Variants in KALRN observed in about 807,000 individuals in gnomAD.
KALRN encodes kalirin.
KALRN carries 70 observed loss-of-function variants against 353.7 expected under a neutral mutation model. The ratio of observed to expected loss-of-function variants is 0.20; its 90% CI spans 0.16 to 0.24. The LOEUF is 0.24. Among genes scored for constraint, KALRN ranks in the 10% least tolerant of loss-of-function variants. The pLI is 1.00. For synonymous variants in KALRN, 1,391 were observed against 1,434.8 expected (o/e 0.97, Z 0.69); for missense variants, 2,791 against 3,756.7 (o/e 0.74, Z 6.72).
At position 124,342,611 on chromosome 3, in the gene KALRN, G is replaced by A. The variant is rs373714770; in HGVS notation, c.1648-4532G>A. Among the ~76,000 whole-genome samples, 10 of 152,072 alleles carry A rather than the reference G, an allele frequency of 6.6e-5. No individual in the cohort carries two copies. The South Asian group carries it at 8.3e-4, about 13-fold the overall frequency. The stretch of plus-strand genomic sequence containing the variant: ...ATTTTTAAAATGGATTTGGTATTCC[G>A]TTTTATTATTGGGATTCAGCTAGAT... On this transcript the variant is annotated intron_variant, in intron 9 of 59. Coordinates refer to ENST00000682506, the MANE Select transcript of KALRN (RefSeq NM_001388419.1).
chr3:124,298,906 A>C lies in KALRN; in HGVS notation c.1085A>C (p.Asn362Thr), dbSNP rs1275604494. 6.2e-7 allele frequency: 1 copy of C among 1,614,062 alleles called. No homozygotes were observed. Among genetic ancestry groups the C allele is most frequent in the Non-Finnish European group, 8.5e-7 (1 of 1,179,984 alleles). ...LQTQHNHFAM[N>T]SMNAYVNINR... is the part of the protein sequence containing the mutation. ...ACGCAGCACAATCACTTTGCCATGA[A>C]CTCCATGGTGAGCTGAGGGGCTGTT... The change falls in exon 6 of 60, where the codon AAC becomes ACC. Residue 362 changes from asparagine to threonine, a missense_variant. By Grantham distance (65) the Asn-to-Thr change is moderately conservative. Coordinates refer to ENST00000682506, the MANE Select transcript of KALRN (RefSeq NM_001388419.1).
At chr3:124,522,974 A>T (rs1217448865) in intron 33 of KALRN, among the ~76,000 whole-genome samples, 5 of 152,250 alleles carry the variant, frequency 3.3e-5, no homozygotes, top group African/African-American at 1.2e-4. Context: ...GGAGGTGCCA[A>T]CAGTATTTCA....
intron 1 of KALRN, among the ~76,000 whole-genome samples, chr3:124,144,777 C>T (rs1208973019): frequency 3.9e-5 from 6 of 152,102 alleles, no homozygotes; most frequent in Non-Finnish European, 8.8e-5. Context: ...CTTTCATAAA[C>T]GAGTCACTTT....
intron 33 of KALRN, among the ~76,000 whole-genome samples, chr3:124,557,789 C>A (rs894013174): frequency 6.6e-6 from 1 of 152,110 alleles, no homozygotes; most frequent in East Asian, 1.9e-4. Flanking sequence ...GGGCACAGCT[C>A]CCCCTCTGTC....
At chr3:124,045,698 T>C (rs529026898) in intron 1 of KALRN, among the ~76,000 whole-genome samples, 14 of 147,814 alleles carry the variant, frequency 9.5e-5, no homozygotes, top group Middle Eastern at 3.5e-3. Flanking sequence ...GCACTGGGGG[T>C]ACACAGACAA....
At chr3:124,171,126 A>G (rs2071759621) in intron 1 of KALRN, among the ~76,000 whole-genome samples, 1 of 152,000 alleles carries the variant, frequency 6.6e-6, no homozygotes, top group Non-Finnish European at 1.5e-5. Flanking sequence ...CCATTTCTAC[A>G]TTCTTTATGC....
chr3:124,634,550 T>C (rs1356186531), intron 36 of KALRN, among the ~76,000 whole-genome samples: 1 of 152,214 alleles, frequency 6.6e-6, no homozygotes, highest in Non-Finnish European at 1.5e-5. Flanking sequence ...CGATGCCCCC[T>C]GTGTCTCCAG....
intron 12 of KALRN, among the ~76,000 whole-genome samples, chr3:124,398,250 A>C (rs1165577105): frequency 6.6e-6 from 1 of 152,222 alleles, no homozygotes; most frequent in Non-Finnish European, 1.5e-5. Flanking sequence ...CTGTGAAGTA[A>C]AACTAGGAAG....
At chr3:124,515,608 C>G (rs1034890341) in intron 33 of KALRN, among the ~76,000 whole-genome samples, 1 of 152,096 alleles carries the variant, frequency 6.6e-6, no homozygotes, top group African/African-American at 2.4e-5. Flanking sequence ...TCTACACTGG[C>G]CTATGGAATC....
chr3:124,170,291 C>T (rs896767507), intron 1 of KALRN, among the ~76,000 whole-genome samples: 1 of 152,204 alleles, frequency 6.6e-6, no homozygotes, highest in African/African-American at 2.4e-5. Context: ...TGGGAAGGAA[C>T]TTTACAACAT....
At chr3:124,182,214 C>A (rs187804035) in intron 1 of KALRN, among the ~76,000 whole-genome samples, 11 of 152,142 alleles carry the variant, frequency 7.2e-5, no homozygotes, top group African/African-American at 2.7e-4. Context: ...CAAAACTTAA[C>A]GGCTTGAAAT....
intron 3 of KALRN, among the ~76,000 whole-genome samples, chr3:124,249,921 G>A (rs1223228205): frequency 1.3e-5 from 2 of 152,144 alleles, no homozygotes; most frequent in Non-Finnish European, 1.5e-5. Context: ...GTAAACCATG[G>A]GGATCTCATC....
At chr3:124,605,724 T>C (rs971278969) in intron 34 of KALRN, among the ~76,000 whole-genome samples, 1 of 152,114 alleles carries the variant, frequency 6.6e-6, no homozygotes, top group African/African-American at 2.4e-5. Context: ...GTCCCCCTGA[T>C]TATAGAGCTT....
chr3:124,644,752 G>A lies in KALRN; in HGVS notation c.5665-6056G>A, dbSNP rs573931307. On this transcript the variant is annotated intron_variant, in intron 37 of 59. Transcript: ENST00000682506. ...TGATGGGCATTTGGGTTGGTTCCAA[G>A]TCTTTGTTATTGTGAACAGTGCTGC... Among the ~76,000 whole-genome samples, 14 of 152,262 alleles carry A rather than the reference G, an allele frequency of 9.2e-5. No homozygotes were observed. The East Asian group carries it at 2.7e-3, about 29-fold the overall frequency.
At chr3:124,611,015 C>T (rs562693266) in intron 34 of KALRN, among the ~76,000 whole-genome samples, 2 of 152,004 alleles carry the variant, frequency 1.3e-5, no homozygotes, top group South Asian at 2.1e-4. Flanking sequence ...CAGAGTGATA[C>T]CCTGTCTCAA....
intron 2 of KALRN, 105 bp from the exon 3 acceptor site, chr3:124,234,724 C>A: frequency 1.2e-6 from 1 of 830,884 alleles, no homozygotes; most frequent in South Asian, 1.6e-5. Flanking sequence ...TCTGGATACC[C>A]TATTTCTGTC....
intron 38 of KALRN, among the ~76,000 whole-genome samples, chr3:124,652,876 C>T (rs1231934240): frequency 6.6e-6 from 1 of 151,832 alleles, no homozygotes; most frequent in African/African-American, 2.4e-5. Context: ...CGCACCCAGC[C>T]GCCAGTCACT....
At chr3:124,648,771 CCCAGGAGCCTGTCTCTGGTGATGGCA>C (rs1280087737) in intron 37 of KALRN, among the ~76,000 whole-genome samples, 3 of 152,132 alleles carry the variant, frequency 2.0e-5, no homozygotes, top group Admixed American at 6.5e-5. Context: ...GGCCCATCTG[CCCAGGAGCCTGTCTCTGGTGATGGCA>C]CCAGGAGACA....
intron 15 of KALRN, 74 bp from the exon 16 acceptor site, chr3:124,430,582 C>T (rs772154237): frequency 1.9e-6 from 3 of 1,572,308 alleles, no homozygotes; most frequent in Non-Finnish European, 2.6e-6. Flanking sequence ...AACTGAAGTC[C>T]CCATGAGAGG....
Sources: allele counts gnomAD v4.1 joint callset (sites outside exome capture counted in the v4.1 genomes callset), GRCh38; gene constraint gnomAD v4.1.1; transcripts MANE v1.5; gene names NCBI Gene and HGNC (gene_info 2026-07-23, HGNC 2026-07-21).